Variants in OSBPL1A observed in about 807,000 individuals in gnomAD.
OSBPL1A encodes the protein oxysterol binding protein like 1A, also known as oxysterol-binding protein-related protein 1.
OSBPL1A carries 80 observed loss-of-function variants against 137.1 expected under a neutral mutation model. That is an observed-to-expected ratio of 0.58 (90% CI 0.49 to 0.70). The LOEUF (loss-of-function observed/expected upper bound fraction) is 0.70, where lower values mean the gene tolerates loss of function less well. Among genes scored for constraint, OSBPL1A ranks in the 30% least tolerant of loss-of-function variants. OSBPL1A has a pLI of 0.00. For synonymous variants in OSBPL1A, 365 were observed against 389.7 expected (o/e 0.94, Z 0.75); for missense variants, 970 against 1,129.4 (o/e 0.86, Z 2.02).
chr18:24,358,401 T>TTCC, intron 4 of OSBPL1A: 1 of 694,190 alleles, frequency 1.4e-6, no homozygotes, highest in South Asian at 1.5e-5. Flanking sequence ...ACTACTTGAC[T>TTCC]TGTCCACTCC....
intron 14 of OSBPL1A, among the ~76,000 whole-genome samples, chr18:24,285,679 A>C (rs2090055565): frequency 6.6e-6 from 1 of 152,214 alleles, no homozygotes; most frequent in South Asian, 2.1e-4. Flanking sequence ...AATTAAACAC[A>C]AACAGGAGAG....
intron 16 of OSBPL1A, among the ~76,000 whole-genome samples, chr18:24,238,678 T>C (rs1006556891): frequency 6.6e-6 from 1 of 152,236 alleles, no homozygotes; most frequent in African/African-American, 2.4e-5. Context: ...CTGGAGTCCA[T>C]GCTCCTTGCA....
intron 1 of OSBPL1A, 142 bp from the exon 2 acceptor site, chr18:24,377,677 G>T (rs556165736): frequency 1.2e-6 from 1 of 865,276 alleles, no homozygotes; most frequent in Non-Finnish European, 1.7e-6. Flanking sequence ...TCCGTTGCAG[G>T]GTGAGAACTT....
chr18:24,267,034 T>C (rs1159672224), intron 15 of OSBPL1A, among the ~76,000 whole-genome samples: 1 of 151,620 alleles, frequency 6.6e-6, no homozygotes, highest in Non-Finnish European at 1.5e-5. Flanking sequence ...ATGAGACTTA[T>C]AGGGAGGGAC....
chr18:24,339,853 T>TTAAGA (rs1274117831), intron 5 of OSBPL1A, among the ~76,000 whole-genome samples: 1 of 152,210 alleles, frequency 6.6e-6, no homozygotes. Context: ...GACACTGACC[T>TTAAGA]TAAGAAGTCT....
At chr18:24,342,376 C>T (rs919939529) in intron 4 of OSBPL1A, among the ~76,000 whole-genome samples, 2 of 152,088 alleles carry the variant, frequency 1.3e-5, no homozygotes, top group African/African-American at 4.8e-5. Flanking sequence ...TCTGATATTG[C>T]GGACAGTATT....
Position 24,167,436 on chromosome 18 carries a change from A to G in OSBPL1A, c.2428T>C (p.Ser810Pro), listed in dbSNP as rs35693789. 34,103 of 1,613,960 alleles carry G rather than the reference A, an allele frequency of 0.021. 469 individuals carry two copies. Among genetic ancestry groups the G allele is most frequent in the Non-Finnish European group, 0.023 (27,451 of 1,179,774 alleles). The change falls in exon 25 of 28, where the codon TCT (serine) becomes CCT (proline). Residue 810 changes from serine to proline, a missense_variant. Physicochemically the swap from Ser to Pro is moderately conservative, Grantham distance 74 (BLOSUM62 -1). Coordinates refer to ENST00000319481, the MANE Select transcript of OSBPL1A (RefSeq NM_080597.4). ...ACTGGCATTTCATCCAACTCCTCAG[A>G]GGTGCTCATCTAGAAAAACCAATCA... is the stretch of plus-strand genomic sequence containing the variant. ...EKKNSKQMST[S>P]EELDEMPVPD...
intron 14 of OSBPL1A, among the ~76,000 whole-genome samples, chr18:24,287,691 T>C (rs2146082350): frequency 6.6e-6 from 1 of 152,018 alleles, no homozygotes; most frequent in South Asian, 2.1e-4. Context: ...GAGAATCGCT[T>C]GAACCAGGAG....
chr18:24,258,564 G>T (rs1025494074), intron 15 of OSBPL1A, among the ~76,000 whole-genome samples: 1 of 152,162 alleles, frequency 6.6e-6, no homozygotes, highest in Non-Finnish European at 1.5e-5. Flanking sequence ...CCTGATATTT[G>T]ATAGCATAAC....
intron 15 of OSBPL1A, among the ~76,000 whole-genome samples, chr18:24,265,680 A>T (rs2089552547): frequency 6.7e-6 from 1 of 149,464 alleles, no homozygotes; most frequent in South Asian, 2.1e-4. Context: ...GCAAAAGAAC[A>T]GCTGACGTCA....
At chr18:24,346,762 G>A (rs2091352813) in intron 4 of OSBPL1A, among the ~76,000 whole-genome samples, 1 of 152,118 alleles carries the variant, frequency 6.6e-6, no homozygotes, top group Non-Finnish European at 1.5e-5. Flanking sequence ...TTTAGGTAGA[G>A]ACAGGGTTTC....
chr18:24,228,853 G>A (rs553983771), intron 16 of OSBPL1A, among the ~76,000 whole-genome samples: 11 of 152,246 alleles, frequency 7.2e-5, no homozygotes, highest in African/African-American at 9.6e-5. Flanking sequence ...GGCACAGAAC[G>A]GGCAGACATG....
chr18:24,246,463 C>T (rs1008360862), intron 15 of OSBPL1A, among the ~76,000 whole-genome samples: 1 of 151,758 alleles, frequency 6.6e-6, no homozygotes, highest in Admixed American at 6.6e-5. Flanking sequence ...GGTTATAATG[C>T]TGAAAAGGGG....
At chr18:24,314,591 T>C (rs1233014440) in intron 11 of OSBPL1A, among the ~76,000 whole-genome samples, 2 of 152,146 alleles carry the variant, frequency 1.3e-5, no homozygotes, top group African/African-American at 4.8e-5. Context: ...GTTCATCAGG[T>C]TTGTCGTTTT....
At position 24,391,560 on chromosome 18, in the gene OSBPL1A, C is replaced by CAA. The variant is rs202011253; in HGVS notation, c.-3+6093_-3+6094dup. 5.6e-3 allele frequency among the ~76,000 whole-genome samples: 685 copies of CAA among 123,358 alleles called. 7 individuals carry two copies. The highest frequency in any genetic ancestry group is 0.015 in the African/African-American group (497 of 32,512). The allele number at this position is 123,358 out of a possible 152,430, so 80.9% of individuals were successfully genotyped here. On this transcript the variant is annotated intron_variant, in intron 1 of 27. Coordinates refer to ENST00000319481, the MANE Select transcript of OSBPL1A (RefSeq NM_080597.4). ...CAACACAGCAAGACCCCAGTCTCTA[C>CAA]AAAAAAAAAAAAAAAATTAATTACC...
At position 24,165,055 on chromosome 18, in the gene OSBPL1A, A is replaced by T. The variant is rs1165425382; in HGVS notation, c.2750+10T>A. 4.3e-6 allele frequency: 7 copies of T among 1,613,908 alleles called. No homozygotes were observed. In the East Asian group the frequency reaches 1.6e-4, roughly 36 times the overall value. On this transcript the variant is annotated intron_variant, in intron 27 of 27. Coordinates refer to ENST00000319481, the MANE Select transcript of OSBPL1A (RefSeq NM_080597.4). ...AGGGCTCAGCCACACCCCCTGACTCAGGCACGCACCTCGTCTTCCAGTCCT... is the reference window on the plus strand; with the variant it reads ...AGGGCTCAGCCACACCCCCTGACTCTGGCACGCACCTCGTCTTCCAGTCCT...
chr18:24,318,380 G>A (rs1365893881), intron 9 of OSBPL1A, among the ~76,000 whole-genome samples: 2 of 151,956 alleles, frequency 1.3e-5, no homozygotes, highest in African/African-American at 4.8e-5. Flanking sequence ...GGTAGTGGAG[G>A]TTGCAGTGAG....
At chr18:24,308,297 G>GTCTCTAC (rs2090545210) in intron 13 of OSBPL1A, among the ~76,000 whole-genome samples, 1 of 148,758 alleles carries the variant, frequency 6.7e-6, no homozygotes, top group Non-Finnish European at 1.5e-5. Context: ...TGTATTTTTA[G>GTCTCTAC]TAGAGACAGG....
chr18:24,311,596 GTA>G (rs1456356134), intron 13 of OSBPL1A: 1 of 649,528 alleles, frequency 1.5e-6, no homozygotes, highest in African/African-American at 2.0e-5. Flanking sequence ...ACCAGGAAAG[GTA>G]TCACTATGGT....
Sources: allele counts gnomAD v4.1 joint callset (sites outside exome capture counted in the v4.1 genomes callset), GRCh38; gene constraint gnomAD v4.1.1; transcripts MANE v1.5; gene names NCBI Gene and HGNC (gene_info 2026-07-23, HGNC 2026-07-21).